The following MAGI2 variants were observed in gnomAD, a reference collection of about 807,000 sequenced individuals.
MAGI2 encodes the protein membrane associated guanylate kinase, WW and PDZ domain containing 2.
A neutral mutation model predicts 133.3 loss-of-function variants in MAGI2; 35 were observed. That is an observed-to-expected ratio of 0.26 (90% CI 0.20 to 0.35). The LOEUF (loss-of-function observed/expected upper bound fraction) is 0.35, where lower values mean the gene tolerates loss of function less well. Among genes scored for constraint, MAGI2 ranks in the 10% least tolerant of loss-of-function variants. The pLI is 1.00. For missense variants in MAGI2, 1,636 were observed against 1,863.4 expected (o/e 0.88, Z 2.25); for synonymous variants, 729 against 710.6 (o/e 1.03, Z -0.41).
At chr7:78,781,719 G>T (rs1408466487) in intron 2 of MAGI2, among the ~76,000 whole-genome samples, 2 of 152,080 alleles carry the variant, frequency 1.3e-5, no homozygotes, top group Non-Finnish European at 2.9e-5. Context: ...AATTTTAAAT[G>T]AGAAATAATG....
intron 2 of MAGI2, among the ~76,000 whole-genome samples, chr7:78,684,637 T>C (rs1816072513): frequency 6.6e-6 from 1 of 152,114 alleles, no homozygotes; most frequent in African/African-American, 2.4e-5. Context: ...TTCTGTATTA[T>C]TAAAAGAGGT....
At chr7:78,560,460 T>C (rs567917413) in intron 3 of MAGI2, among the ~76,000 whole-genome samples, 6 of 152,174 alleles carry the variant, frequency 3.9e-5, no homozygotes, top group African/African-American at 1.4e-4. Flanking sequence ...TCAGATCTGA[T>C]GTGGCAAAAC....
At chr7:78,913,767 A>G (rs1201810882) in intron 2 of MAGI2, among the ~76,000 whole-genome samples, 2 of 152,214 alleles carry the variant, frequency 1.3e-5, no homozygotes, top group Non-Finnish European at 2.9e-5. Flanking sequence ...TTCTGTCTGT[A>G]CTAGGTGGAT....
chr7:78,600,622 C>T (rs1024954275), intron 3 of MAGI2, among the ~76,000 whole-genome samples: 1 of 151,982 alleles, frequency 6.6e-6, no homozygotes, highest in Non-Finnish European at 1.5e-5. Context: ...TATTAATTCA[C>T]AGGGGAAAAG....
At chr7:78,194,494 G>A (rs1302208280) in intron 12 of MAGI2, among the ~76,000 whole-genome samples, 1 of 151,888 alleles carries the variant, frequency 6.6e-6, no homozygotes, top group African/African-American at 2.4e-5. Flanking sequence ...CTATATTCAA[G>A]GCTCTAAGAA....
intron 1 of MAGI2, among the ~76,000 whole-genome samples, chr7:79,185,324 A>G (rs1826982058): frequency 6.6e-6 from 1 of 151,806 alleles, no homozygotes; most frequent in African/African-American, 2.4e-5. Context: ...ACAAAGAAAA[A>G]CCGCATCTCT....
At chr7:78,711,006 A>C (rs1292154241) in intron 2 of MAGI2, among the ~76,000 whole-genome samples, 1 of 152,170 alleles carries the variant, frequency 6.6e-6, no homozygotes, top group Non-Finnish European at 1.5e-5. Flanking sequence ...AAATCAGCTA[A>C]GTCTTTATAA....
At chr7:78,405,633 A>G (rs1797302821) in intron 6 of MAGI2, among the ~76,000 whole-genome samples, 1 of 152,128 alleles carries the variant, frequency 6.6e-6, no homozygotes, top group Non-Finnish European at 1.5e-5. Flanking sequence ...AACCTTAAAC[A>G]TAAAACCTTT....
intron 6 of MAGI2, among the ~76,000 whole-genome samples, chr7:78,402,198 G>GGT (rs35143546): frequency 6.7e-6 from 1 of 150,136 alleles, no homozygotes; most frequent in Non-Finnish European, 1.5e-5. Flanking sequence ...CCACCTGGGG[G>GGT]GTGTGTGTGT....
At chr7:79,411,415 A>AAAC (rs1183801173) in intron 1 of MAGI2, 2 of 152,196 alleles carry the variant, frequency 1.3e-5, no homozygotes, top group Admixed American at 1.3e-4. Context: ...GGCAATGTGA[A>AAAC]AACAACGACA....
At chr7:79,081,378 A>G (rs1192620108) in intron 1 of MAGI2, among the ~76,000 whole-genome samples, 1 of 152,182 alleles carries the variant, frequency 6.6e-6, no homozygotes, top group Non-Finnish European at 1.5e-5. Flanking sequence ...GCCTTCATAT[A>G]TTTAAATACT....
intron 1 of MAGI2, among the ~76,000 whole-genome samples, chr7:79,171,636 A>G (rs1825557144): frequency 6.7e-6 from 1 of 149,484 alleles, no homozygotes; most frequent in South Asian, 2.1e-4. Flanking sequence ...TCATATGTCT[A>G]CAGGTAACTC....
intron 10 of MAGI2, among the ~76,000 whole-genome samples, chr7:78,218,539 G>A (rs1190821468): frequency 1.3e-5 from 2 of 152,174 alleles, no homozygotes; most frequent in African/African-American, 4.8e-5. Context: ...TTTTTCAGCT[G>A]AATTGAATTC....
At chr7:78,044,711 G>GTGCGTA (rs1811240392) in intron 21 of MAGI2, among the ~76,000 whole-genome samples, 1 of 151,694 alleles carries the variant, frequency 6.6e-6, no homozygotes, top group Non-Finnish European at 1.5e-5. Flanking sequence ...GTGTGCACGT[G>GTGCGTA]TGCACACGCA....
intron 2 of MAGI2, among the ~76,000 whole-genome samples, chr7:78,869,940 C>T (rs1033238800): frequency 6.6e-6 from 1 of 152,158 alleles, no homozygotes; most frequent in Admixed American, 6.5e-5. Flanking sequence ...TATTCTGCTT[C>T]ATTGGTCTTT....
rs1842525780 is a variant in MAGI2, at chr7:79,363,928, G to T, written c.301+89092C>A. ...TCCATAAAAATTAAAAATAAACTAG[G>T]CATATCACCTGAGTAGACATTCAAA... On this transcript the variant is annotated intron_variant, in intron 1 of 21. Transcript: ENST00000354212. 2.0e-5 allele frequency among the ~76,000 whole-genome samples: 3 copies of T among 151,616 alleles called. No individual in the cohort carries two copies. In the South Asian group the frequency reaches 6.2e-4, roughly 31 times the overall value.
intron 2 of MAGI2, chr7:78,939,970 C>T (rs1800841328): frequency 6.6e-6 from 1 of 152,118 alleles, no homozygotes; most frequent in Non-Finnish European, 1.5e-5. Context: ...AAAATAAACA[C>T]AGGCAGCCAC....
intron 10 of MAGI2, 128 bp from the exon 11 acceptor site, chr7:78,201,321 C>T: frequency 4.1e-6 from 2 of 493,672 alleles, no homozygotes; most frequent in Middle Eastern, 5.3e-4. Context: ...AAAACTTCTG[C>T]CTGGCTGTAT....
At position 78,803,316 on chromosome 7, in the gene MAGI2, GA is replaced by G. The variant is rs1329192170; in HGVS notation, c.419-176078del. On this transcript the variant is annotated intron_variant, in intron 2 of 21. Coordinates refer to ENST00000354212, the MANE Select transcript of MAGI2 (RefSeq NM_012301.4). ...ATCTTGGGCTGGCATAATTACGGAA[GA>G]AAAAAATATCAAAGCCATAAAAATA... is the stretch of plus-strand genomic sequence containing the variant. Among the ~76,000 whole-genome samples, 5 of 151,956 alleles carry G rather than the reference GA, an allele frequency of 3.3e-5. No homozygotes were observed. In the South Asian group the frequency reaches 6.2e-4, roughly 19 times the overall value.
Sources: gnomAD v4.1 joint callset for allele counts (sites outside exome capture counted in the v4.1 genomes callset) on GRCh38, gnomAD v4.1.1 for gene constraint, MANE v1.5 for transcripts, NCBI Gene and HGNC (gene_info 2026-07-23, HGNC 2026-07-21) for gene names.